Variants in DISC1 observed in about 807,000 individuals in gnomAD.
The protein encoded by DISC1 is DISC1 scaffold protein.
In DISC1, 57 loss-of-function variants were observed where a neutral mutation model predicts 84.5. The observed-to-expected ratio is 0.67, with a 90% confidence interval of 0.55 to 0.84. The LOEUF (loss-of-function observed/expected upper bound fraction) is 0.84, where lower values mean the gene tolerates loss of function less well. Among genes scored for constraint, DISC1 ranks in the 40% least tolerant of loss-of-function variants. The pLI is 0.00. For synonymous variants in DISC1, 411 were observed against 415.2 expected (o/e 0.99, Z 0.12); for missense variants, 1,000 against 1,057.8 (o/e 0.95, Z 0.76).
At chr1:231,855,021 A>C (rs910447312) in intron 9 of DISC1, 5 of 1,049,190 alleles carry the variant, frequency 4.8e-6, no homozygotes, top group Non-Finnish European at 5.8e-6. Context: ...TGGCCCCTAC[A>C]ATAATTCTTT....
At chr1:231,744,781 G>A (rs2073775895) in intron 3 of DISC1, among the ~76,000 whole-genome samples, 1 of 152,102 alleles carries the variant, frequency 6.6e-6, no homozygotes, top group African/African-American at 2.4e-5. Flanking sequence ...TCCAACATGG[G>A]TGATCTATCT....
At chr1:231,808,419 G>C (rs1262758433) in intron 8 of DISC1, among the ~76,000 whole-genome samples, 1 of 152,168 alleles carries the variant, frequency 6.6e-6, no homozygotes, top group Non-Finnish European at 1.5e-5. Flanking sequence ...AGCACATCTT[G>C]TAGGATCACT....
At chr1:231,771,461 A>G (rs972710780) in intron 6 of DISC1, 4 of 985,426 alleles carry the variant, frequency 4.1e-6, no homozygotes, top group East Asian at 1.1e-4. Flanking sequence ...GGAAGAGGCA[A>G]GCTATTGAGA....
intron 9 of DISC1, among the ~76,000 whole-genome samples, chr1:231,835,018 G>T (rs999492650): frequency 1.3e-5 from 2 of 152,232 alleles, no homozygotes; most frequent in African/African-American, 4.8e-5. Context: ...AGAGATTGAA[G>T]TGTGGCGCCA....
intron 1 of DISC1, among the ~76,000 whole-genome samples, chr1:231,658,420 G>GCAAA (rs1413712244): frequency 2.0e-5 from 3 of 152,180 alleles, no homozygotes; most frequent in Non-Finnish European, 4.4e-5. Context: ...CATGTCATCT[G>GCAAA]CAAACAAAGA....
intron 9 of DISC1, among the ~76,000 whole-genome samples, chr1:231,909,963 T>C (rs570585354): frequency 6.6e-6 from 1 of 152,340 alleles, no homozygotes; most frequent in African/African-American, 2.4e-5. Flanking sequence ...TTTATTTGCA[T>C]AGAGGTGTTT....
At chr1:232,028,799 T>A (rs563787401) in intron 12 of DISC1, among the ~76,000 whole-genome samples, 2 of 152,310 alleles carry the variant, frequency 1.3e-5, no homozygotes, top group Non-Finnish European at 2.9e-5. Flanking sequence ...GGTAGATTGA[T>A]TCAACTATTT....
intron 9 of DISC1, among the ~76,000 whole-genome samples, chr1:231,819,947 A>C (rs2081367580): frequency 6.6e-6 from 1 of 152,232 alleles, no homozygotes; most frequent in Admixed American, 6.5e-5. Context: ...CTTTTTAAAA[A>C]AAGAACCATG....
intron 6 of DISC1, among the ~76,000 whole-genome samples, chr1:231,787,644 A>G (rs1192530643): frequency 6.6e-6 from 1 of 152,230 alleles, no homozygotes; most frequent in Admixed American, 6.5e-5. Flanking sequence ...TCTGGAGGAC[A>G]CATTGACATT....
intron 1 of DISC1, among the ~76,000 whole-genome samples, chr1:231,642,686 A>G (rs536012361): frequency 3.3e-5 from 5 of 152,216 alleles, no homozygotes; most frequent in East Asian, 1.9e-4. Flanking sequence ...TGTAAGCTCT[A>G]TACAATTCTC....
At chr1:231,730,097 C>G (rs1452009360) in intron 3 of DISC1, among the ~76,000 whole-genome samples, 2 of 152,184 alleles carry the variant, frequency 1.3e-5, no homozygotes, top group African/African-American at 4.8e-5. Flanking sequence ...ATACATCCAG[C>G]TAATTTTTTG....
intron 9 of DISC1, among the ~76,000 whole-genome samples, chr1:231,953,241 T>A (rs1273061165): frequency 6.6e-6 from 1 of 152,222 alleles, no homozygotes; most frequent in Non-Finnish European, 1.5e-5. Flanking sequence ...ACAGTCAATA[T>A]CATTTGCGTA....
intron 1 of DISC1, among the ~76,000 whole-genome samples, chr1:231,633,009 T>G (rs752926451): frequency 2.9e-4 from 44 of 152,214 alleles, no homozygotes; most frequent in Non-Finnish European, 6.2e-4. Context: ...AGGCAGAGGT[T>G]GCAGTGAGCC....
chr1:231,876,316 C>T (rs1261956428), intron 9 of DISC1, among the ~76,000 whole-genome samples: 1 of 152,190 alleles, frequency 6.6e-6, no homozygotes, highest in Non-Finnish European at 1.5e-5. Flanking sequence ...TGTGCCTGGC[C>T]TCTTTTTGCC....
rs182443068 is a variant in DISC1, at chr1:231,717,515, G to A, written c.1117+15491G>A. ...TCTGTCTCACTGAGCCATAGGCGTGGGGTCCTGCATTGGCCATTTCAGTTT... is the reference window on the plus strand; with the variant it reads ...TCTGTCTCACTGAGCCATAGGCGTGAGGTCCTGCATTGGCCATTTCAGTTT... On this transcript the variant is annotated intron_variant, in intron 3 of 12. Transcript: ENST00000439617. 5.9e-5 allele frequency among the ~76,000 whole-genome samples: 9 copies of A among 152,314 alleles called. No homozygotes were observed. In the East Asian group the frequency reaches 1.7e-3, roughly 29 times the overall value.
At chr1:231,947,004 C>A (rs182214359) in intron 9 of DISC1, among the ~76,000 whole-genome samples, 24 of 152,278 alleles carry the variant, frequency 1.6e-4, no homozygotes, top group African/African-American at 5.8e-4. Context: ...TAGGAAGAAG[C>A]AATATCATCA....
chr1:231,907,624 A>C (rs1462774080), intron 9 of DISC1, among the ~76,000 whole-genome samples: 3 of 152,198 alleles, frequency 2.0e-5, no homozygotes, highest in African/African-American at 7.2e-5. Context: ...GAATAGTGCC[A>C]CAATAAACAT....
At chr1:231,715,519 C>T (rs1245255588) in intron 3 of DISC1, among the ~76,000 whole-genome samples, 1 of 152,168 alleles carries the variant, frequency 6.6e-6, no homozygotes, top group Non-Finnish European at 1.5e-5. Flanking sequence ...TTGATTGTCT[C>T]TGACTGTGGC....
chr1:231,714,995 T>C (rs796132109), intron 3 of DISC1, among the ~76,000 whole-genome samples: 15 of 152,318 alleles, frequency 9.8e-5, no homozygotes, highest in African/African-American at 3.6e-4. Flanking sequence ...CTTTATTCCA[T>C]GTGGCAATTG....
Sources: allele counts gnomAD v4.1 joint callset (sites outside exome capture counted in the v4.1 genomes callset), GRCh38; gene constraint gnomAD v4.1.1; transcripts MANE v1.5; gene names NCBI Gene and HGNC (gene_info 2026-07-23, HGNC 2026-07-21).